CREB3L3: variants seen among roughly 807,000 people sequenced by gnomAD.
CREB3L3 encodes the protein cyclic AMP-responsive element-binding protein 3-like protein 3.
In CREB3L3, 40 loss-of-function variants were observed where a neutral mutation model predicts 44.6. The observed-to-expected ratio is 0.90, with a 90% CI of 0.70 to 1.17. The LOEUF (loss-of-function observed/expected upper bound fraction) is 1.17. Ranked by LOEUF, CREB3L3 falls within the 50% of genes most tolerant of loss-of-function variation. The pLI is 0.00. For synonymous variants in CREB3L3, 273 were observed against 256.3 expected (o/e 1.06, Z -0.62); for missense variants, 578 against 595.8 (o/e 0.97, Z 0.31).
chr19:4,170,103 G>T (rs1330095748), intron 6 of CREB3L3, 37 bp from the exon 7 acceptor site: 1 of 1,605,536 alleles, frequency 6.2e-7, no homozygotes, highest in Non-Finnish European at 8.5e-7. Flanking sequence ...CTGGTGACTG[G>T]CATATGCTGA....
intron 4 of CREB3L3, among the ~76,000 whole-genome samples, chr19:4,162,435 A>G (rs948804026): frequency 6.6e-6 from 1 of 150,582 alleles, no homozygotes; most frequent in African/African-American, 2.4e-5. Flanking sequence ...ACAACGATAC[A>G]AAAAAAAATG....
chr19:4,157,105 C>T lies in CREB3L3; in HGVS notation c.267C>T (p.Ile89=). ...CCCCCGAAGGCAGTGATAGTGGCAT[C>T]TCCGAAGACCTCCCCTCCGACCCCC... ...LWSPEGSDSG[I]SEDLPSDPQD... The change falls in exon 3 of 10, where the codon ATC becomes ATT. Residue 89 remains isoleucine, a synonymous_variant. Transcript: ENST00000078445. 1 of 1,614,078 alleles carries T rather than the reference C, an allele frequency of 6.2e-7. No individual in the cohort carries two copies. Among genetic ancestry groups the T allele is most frequent in the Non-Finnish European group, 8.5e-7 (1 of 1,179,990 alleles).
chr19:4,160,845 T>C (rs902864865), intron 4 of CREB3L3, among the ~76,000 whole-genome samples: 1 of 151,350 alleles, frequency 6.6e-6, no homozygotes, highest in Non-Finnish European at 1.5e-5. Context: ...ACCATTCTCC[T>C]GCCTCAGCCT....
chr19:4,167,973 T>TTATA lies in CREB3L3; in HGVS notation c.715-377_715-376insATAT, dbSNP rs1555704041. On this transcript the variant is annotated intron_variant, in intron 5 of 9. Transcript: ENST00000078445. ...GACTTTAATTTTTTAATTTTAATTA[T>TTATA]TTTATTTATTTATTTATTTATTTAT... Among the ~76,000 whole-genome samples, 878 of 144,884 alleles carry TTATA rather than the reference T, an allele frequency of 6.1e-3. 9 individuals carry two copies. Among genetic ancestry groups the TTATA allele is most frequent in the African/African-American group, 0.021 (840 of 39,274 alleles).
rs576494147 is a variant in CREB3L3, at chr19:4,164,499, G to C, written c.577-4G>C. 3.7e-6 allele frequency: 6 copies of C among 1,613,830 alleles called. No individual in the cohort carries two copies. The highest frequency in any genetic ancestry group is 8.5e-7 in the Non-Finnish European group (1 of 1,179,992). ...CGCCGTCATTCCTCTGATTTTTTCC[G>C]TAGCAACAGCATCACCTGGGGGCCT... On this transcript the variant is annotated splice_polypyrimidine_tract_variant and splice_region_variant and intron_variant, in intron 4 of 9. Coordinates refer to ENST00000078445, the MANE Select transcript of CREB3L3 (RefSeq NM_032607.3).
In CREB3L3 at chr19:4,172,325, A is replaced by G; in HGVS notation, c.*356A>G. The stretch of plus-strand genomic sequence containing the variant: ...CTGAAACAGACCCAGACAAACAGAC[A>G]GACAGACACAGCCTGAAACAGACCC... On this transcript the variant is annotated 3_prime_UTR_variant, in exon 10 of 10. Transcript: ENST00000078445. 1 of 438,602 alleles carries G rather than the reference A, an allele frequency of 2.3e-6. No homozygotes were observed. Among genetic ancestry groups the G allele is most frequent in the Non-Finnish European group, 4.2e-6 (1 of 240,626 alleles). 27.2% of individuals were successfully genotyped at this position (438,602 alleles called of 1,614,324 possible).
chr19:4,159,618 C>A (rs759669118), intron 3 of CREB3L3, 46 bp from the exon 4 acceptor site: 1 of 884,822 alleles, frequency 1.1e-6, no homozygotes, highest in African/African-American at 1.6e-5. Flanking sequence ...CAGGACTCCC[C>A]CCGTCTGACA....
At chr19:4,153,901 A>G (rs1249795059) in intron 1 of CREB3L3, 127 bp downstream of exon 1, 6 of 1,131,310 alleles carry the variant, frequency 5.3e-6, no homozygotes, top group Non-Finnish European at 6.5e-6. Flanking sequence ...GCCCAGAGAA[A>G]GGATGCAATG....
In CREB3L3 at chr19:4,171,986, G is replaced by T. The variant is rs753206266; in HGVS notation, c.*17G>T. 5 of 1,570,120 alleles carry T rather than the reference G, an allele frequency of 3.2e-6. No individual in the cohort carries two copies. In the African/African-American group the frequency reaches 6.7e-5, roughly 21 times the overall value. ...GAGCTGTGAGCCCCGCCAGGACTAT[G>T]CTCCCAGGCCCCTCTGCCCAGGGGT... On this transcript the variant is annotated 3_prime_UTR_variant, in exon 10 of 10. Transcript: ENST00000078445. This position sits in a 1 kb window ranked among gnomAD's most constrained non-coding sequence, Gnocchi z 4.9.
chr19:4,159,527 C>T (rs2041631556), intron 3 of CREB3L3, 137 bp from the exon 4 acceptor site: 1 of 695,328 alleles, frequency 1.4e-6, no homozygotes, highest in Non-Finnish European at 2.6e-6. Flanking sequence ...CTTGGGGACT[C>T]CAAACTCTGG....
rs570717287 is a variant in CREB3L3 at position 4,155,143 on chromosome 19, T to C, written c.156+116T>C. ...GCCAGAGCTCTGCTCAGCTCTACGA[T>C]GCACTAATGGGTCACGGTGCTTGAT... On this transcript the variant is annotated intron_variant, in intron 2 of 9. Transcript: ENST00000078445. The C allele has an allele frequency of 5.7e-5, 74 of 1,304,028 alleles. No homozygotes were observed. In the African/African-American group the frequency reaches 9.4e-4, roughly 17 times the overall value. The allele number at this position is 1,304,028 out of a possible 1,614,324, so 80.8% of individuals were successfully genotyped here.
In CREB3L3 at chr19:4,171,878, TG is replaced by T; in HGVS notation, c.1298del (p.Gly433AlafsTer83). 1 of 1,613,188 alleles carries T rather than the reference TG, an allele frequency of 6.2e-7. No individual in the cohort carries two copies. Among genetic ancestry groups the T allele is most frequent in the East Asian group, 2.2e-5 (1 of 44,878 alleles). On this transcript the variant is annotated frameshift_variant, in exon 10 of 10. Transcript: ENST00000078445. LOFTEE classifies it low-confidence loss of function (END_TRUNC). The surrounding 1 kb of genome is among the most constrained non-coding windows in gnomAD (Gnocchi z 4.9). ...TLVLRNATEG[L>X]GQVALLDWVA... ...GTCCTGAGGAATGCAACAGAGGGGCTGGGCCAGGTCGCCCTGCTGGACTGGG... is the reference window on the plus strand; with the variant it reads ...GTCCTGAGGAATGCAACAGAGGGGCTGGCCAGGTCGCCCTGCTGGACTGGG...
At position 4,170,001 on chromosome 19, in the gene CREB3L3, G is replaced by A. The variant is rs350852; in HGVS notation, c.822-139G>A. On this transcript the variant is annotated intron_variant, in intron 6 of 9. Transcript: ENST00000078445. ...AAATCCCAGCCCTGTCTGACCTGCC[G>A]AGTAACCTTGGATGAATGACTTCCC... 0.87 allele frequency: 715,545 copies of A among 819,526 alleles called. 314,080 individuals are homozygous for A. Among genetic ancestry groups the A allele is most frequent in the African/African-American group, 0.96 (56,955 of 59,562 alleles). 50.8% of individuals were successfully genotyped at this position (819,526 alleles called of 1,614,324 possible). A position where few individuals can be genotyped will look rare whatever the true frequency, so the allele number is the denominator to read the frequency against.
Position 4,170,537 on chromosome 19 carries a change from G to C in CREB3L3, c.890+329G>C, listed in dbSNP as rs183545248. 4.2e-3 allele frequency among the ~76,000 whole-genome samples: 645 copies of C among 151,976 alleles called. 4 individuals carry two copies. Among genetic ancestry groups the C allele is most frequent in the African/African-American group, 0.014 (597 of 41,438 alleles). On this transcript the variant is annotated intron_variant, in intron 7 of 9. Coordinates refer to ENST00000078445, the MANE Select transcript of CREB3L3 (RefSeq NM_032607.3). ...TGAGGCAGGAGAATTGCTTGAACTC[G>C]GGAGGCGGAGGTTGCCGTGAGCCGA...
At position 4,171,575 on chromosome 19, in the gene CREB3L3, C is replaced by A. The variant is rs1230457488; in HGVS notation, c.1073-81C>A. The A allele has an allele frequency of 1.1e-5, 18 of 1,600,542 alleles. No homozygotes were observed. The highest frequency in any genetic ancestry group is 1.5e-5 in the Non-Finnish European group (17 of 1,168,096). ...GGGAGAAGACCCCTGTGCCCTTGTT[C>A]CCTGAGGCTGGGGGCCAGGGAAGGG... is the stretch of plus-strand genomic sequence containing the variant. On this transcript the variant is annotated intron_variant, in intron 9 of 9. Transcript: ENST00000078445. This position sits in a 1 kb window ranked among gnomAD's most constrained non-coding sequence, Gnocchi z 4.9.
intron 1 of CREB3L3, 42 bp from the exon 2 acceptor site, chr19:4,154,857 A>C (rs554893909): frequency 6.2e-7 from 1 of 1,612,960 alleles, no homozygotes; most frequent in Non-Finnish European, 8.5e-7. Context: ...TGGGGAGGAC[A>C]GGGGCTGTAT....
chr19:4,158,799 C>CAA lies in CREB3L3; in HGVS notation c.458-845_458-844dup, dbSNP rs760741012. On this transcript the variant is annotated intron_variant, in intron 3 of 9. Transcript: ENST00000078445. ...CTGGCGACAGAGCGAGACTCCGTCT[C>CAA]AAAAAAAAAAAAAAAAAAAAATCTG... is the stretch of plus-strand genomic sequence containing the variant. Among the ~76,000 whole-genome samples, 153 of 64,250 alleles carry CAA rather than the reference C, an allele frequency of 2.4e-3. 2 individuals carry two copies. The highest frequency in any genetic ancestry group is 6.0e-3 in the African/African-American group (127 of 21,010). 42.2% of individuals were successfully genotyped at this position (64,250 alleles called of 152,430 possible).
intron 6 of CREB3L3, among the ~76,000 whole-genome samples, chr19:4,169,585 T>G (rs1013478689): frequency 1.1e-5 from 1 of 87,490 alleles, no homozygotes; most frequent in South Asian, 4.2e-4. Context: ...GAGGCTCAGC[T>G]TTTTTTTTTT....
At chr19:4,166,459 T>A (rs1966908815) in intron 5 of CREB3L3, among the ~76,000 whole-genome samples, 1 of 144,990 alleles carries the variant, frequency 6.9e-6, no homozygotes, top group South Asian at 2.2e-4. Flanking sequence ...AGAGACAGAG[T>A]TTCACCATGT....
Sources: gnomAD v4.1 joint callset for allele counts (sites outside exome capture counted in the v4.1 genomes callset) on GRCh38, gnomAD v4.1.1 for gene constraint, Gnocchi (gnomAD v3.1) non-coding constraint, MANE v1.5 for transcripts, NCBI Gene and HGNC (gene_info 2026-07-23, HGNC 2026-07-21) for gene names.